The following TEX9 variants were observed in gnomAD, a reference collection of about 807,000 sequenced individuals.
TEX9 encodes the protein testis expressed 9.
Under a neutral mutation model 59.6 loss-of-function variants are expected in TEX9, and 74 were observed. The ratio of observed to expected loss-of-function variants is 1.24; its 90% CI spans 1.03 to 1.51. TEX9 has a LOEUF of 1.51. TEX9 is among the 40% of genes most tolerant of loss of function. The pLI is 0.00. For missense variants in TEX9, 522 were observed against 447.8 expected, an observed-to-expected ratio of 1.17 and a Z score of -1.49; for synonymous variants, 186 against 152.2, an observed-to-expected ratio of 1.22 and a Z score of -1.64.
At chr15:56,318,354 A>G (rs751796301) in intron 1 of TEX9, among the ~76,000 whole-genome samples, 1 of 152,022 alleles carries the variant, frequency 6.6e-6, no homozygotes, top group Non-Finnish European at 1.5e-5. Context: ...TGCATGCTAT[A>G]TGTTTTGTCA....
At chr15:56,384,171 C>G (rs760423686) in intron 4 of TEX9, 140 bp downstream of exon 4, 203 of 577,254 alleles carry the variant, frequency 3.5e-4, no homozygotes, top group Non-Finnish European at 5.1e-4. Flanking sequence ...ACCAATCAGA[C>G]ACAGTGCAAG....
chr15:56,300,692 A>AGAGAGGGAGGGAGG, intron 1 of TEX9, among the ~76,000 whole-genome samples: 2 of 55,574 alleles, frequency 3.6e-5, no homozygotes, highest in African/African-American at 1.2e-4. Context: ...CAGCAGAGAG[A>AGAGAGGGAGGGAGG]GAGAGAGAGA....
the TEX9 span, among the ~76,000 whole-genome samples, chr15:56,454,363 A>G: frequency 7.2e-5 from 4 of 55,668 alleles, no homozygotes; most frequent in South Asian, 1.7e-3. Context: ...AAACAATCCA[A>G]TTATACTCTT....
At chr15:56,246,284 C>T (rs1169872701) in intron 1 of TEX9, among the ~76,000 whole-genome samples, 1 of 152,104 alleles carries the variant, frequency 6.6e-6, no homozygotes, top group Non-Finnish European at 1.5e-5. Flanking sequence ...CCAGGACCTA[C>T]AGGGAGTTGA....
At chr15:56,368,098 C>A (rs1004774708) in intron 2 of TEX9, among the ~76,000 whole-genome samples, 1 of 152,166 alleles carries the variant, frequency 6.6e-6, no homozygotes, top group Admixed American at 6.5e-5. Flanking sequence ...TTTTAATAAT[C>A]ACTACATTTG....
At chr15:56,377,441 T>C (rs2047512747) in intron 3 of TEX9, among the ~76,000 whole-genome samples, 1 of 152,166 alleles carries the variant, frequency 6.6e-6, no homozygotes, top group Non-Finnish European at 1.5e-5. Flanking sequence ...ATTGATGTTT[T>C]ATAGTTTTTG....
At chr15:56,412,470 C>T (rs745648232) in intron 10 of TEX9, 34 bp downstream of exon 10, 2 of 1,564,318 alleles carry the variant, frequency 1.3e-6, no homozygotes, top group South Asian at 2.4e-5. Context: ...TGTAGTGATC[C>T]CTTTTGGTAA....
At chr15:56,265,845 C>T (rs2044367228) in intron 1 of TEX9, among the ~76,000 whole-genome samples, 1 of 152,028 alleles carries the variant, frequency 6.6e-6, no homozygotes, top group Non-Finnish European at 1.5e-5. Flanking sequence ...TCAGTTGGGT[C>T]AAGGTGGTTG....
At chr15:56,419,841 T>C (rs1319173585) in intron 10 of TEX9, among the ~76,000 whole-genome samples, 3 of 151,844 alleles carry the variant, frequency 2.0e-5, no homozygotes, top group Admixed American at 6.6e-5. Context: ...TTTTGTAGGG[T>C]TGGTATTATT....
chr15:56,295,853 T>G (rs766353081), intron 1 of TEX9, among the ~76,000 whole-genome samples: 6 of 152,170 alleles, frequency 3.9e-5, no homozygotes, highest in Non-Finnish European at 7.3e-5. Flanking sequence ...ACCAAATCCA[T>G]GTGAATGAGA....
At chr15:56,439,063 TC>T in intron 12 of TEX9, among the ~76,000 whole-genome samples, 1 of 152,038 alleles carries the variant, frequency 6.6e-6, no homozygotes, top group African/African-American at 2.4e-5. Flanking sequence ...GGAAAAAAAA[TC>T]CTACAGCTAA....
In TEX9 at chr15:56,441,068, T is replaced by C. The variant is rs571156685; in HGVS notation, c.*30-4603T>C. 1.4e-3 allele frequency among the ~76,000 whole-genome samples: 219 copies of C among 152,254 alleles called. 1 individual carries two copies. Among genetic ancestry groups the C allele is most frequent in the African/African-American group, 4.9e-3 (204 of 41,558 alleles). ...CACTGCATTAACTGCACGTCACATATTTTGGAATGCTGTTTTTTGAATCAT... is the reference window on the plus strand; with the variant it reads ...CACTGCATTAACTGCACGTCACATACTTTGGAATGCTGTTTTTTGAATCAT... On this transcript the variant is annotated intron_variant, in intron 12 of 12. Coordinates refer to ENST00000352903, the Ensembl canonical transcript of TEX9.
intron 2 of TEX9, among the ~76,000 whole-genome samples, chr15:56,368,527 ACTGT>A (rs1352926209): frequency 1.1e-4 from 17 of 151,934 alleles, no homozygotes; most frequent in East Asian, 3.9e-4. Context: ...AAATTGTGAA[ACTGT>A]CTGAGTCTAG....
the TEX9 span, among the ~76,000 whole-genome samples, chr15:56,460,004 AAAAAAATAC>A: frequency 3.5e-5 from 2 of 57,332 alleles, no homozygotes; most frequent in African/African-American, 1.3e-4. Flanking sequence ...AAAAAAAAAA[AAAAAAATAC>A]ATATATATAT....
chr15:56,456,918 C>G, the TEX9 span, among the ~76,000 whole-genome samples: 1 of 152,066 alleles, frequency 6.6e-6, no homozygotes, highest in Admixed American at 6.6e-5. Context: ...TCTACCTGAT[C>G]AGAATTTTTA....
Position 56,427,687 on chromosome 15 carries a change from T to A in TEX9, c.1046T>A (p.Met349Lys), listed in dbSNP as rs2050373705. 7 of 1,531,986 alleles carry A rather than the reference T, an allele frequency of 4.6e-6. No homozygotes were observed. In the South Asian group the frequency reaches 9.2e-5, roughly 20 times the overall value. The allele number at this position is 1,531,986 out of a possible 1,614,324, so 94.9% of individuals were successfully genotyped here. ...CTAGAAAAACAAAAAGGAGAATTAA[T>A]GATAGGGTTCAAGAAACAGTTAAAA... Residue 349 changes from methionine (M) to lysine (K), a missense_variant, in exon 11 of 13, where the codon ATG becomes AAG. By Grantham distance (95) the Met-to-Lys change is moderately conservative (BLOSUM62 -1). Transcript: ENST00000352903.
intron 1 of TEX9, among the ~76,000 whole-genome samples, chr15:56,265,936 T>G (rs956443176): frequency 6.6e-6 from 1 of 152,184 alleles, no homozygotes; most frequent in Non-Finnish European, 1.5e-5. Flanking sequence ...AAGTGTTGAT[T>G]CAAAAGACCT....
At chr15:56,436,274 A>G (rs1396553166) in intron 12 of TEX9, among the ~76,000 whole-genome samples, 5 of 152,216 alleles carry the variant, frequency 3.3e-5, no homozygotes, top group African/African-American at 1.2e-4. Context: ...CCACAGTGCA[A>G]TCAAACTAGA....
At chr15:56,449,500 T>C (rs1445078485), downstream of TEX9, among the ~76,000 whole-genome samples, 1 of 152,236 alleles carries the variant, frequency 6.6e-6, no homozygotes, top group Admixed American at 6.5e-5. Flanking sequence ...GGATTTCGTA[T>C]TGACTAATAT....
Sources: gnomAD v4.1 joint callset for allele counts (sites outside exome capture counted in the v4.1 genomes callset) on GRCh38, gnomAD v4.1.1 for gene constraint, MANE v1.5 for transcripts, NCBI Gene and HGNC (gene_info 2026-07-23, HGNC 2026-07-21) for gene names.